PRR16: variants seen among roughly 807,000 people sequenced by gnomAD.
PRR16 encodes the protein protein Largen.
PRR16 carries 6 observed loss-of-function variants against 18.2 expected under a neutral mutation model. The ratio of observed to expected loss-of-function variants is 0.33; its 90% CI spans 0.18 to 0.65. PRR16 has a LOEUF of 0.65. PRR16 is among the 30% of genes least tolerant of loss of function. The probability of loss-of-function intolerance (pLI) is 0.74; values close to 1 mark genes in which losing one functional copy is unlikely to be tolerated. For synonymous variants in PRR16, 151 were observed against 147.8 expected (o/e 1.02, Z -0.16); for missense variants, 412 against 376.6 (o/e 1.09, Z -0.78).
At chr5:120,565,907 T>C (rs1483383687) in intron 1 of PRR16, among the ~76,000 whole-genome samples, 2 of 152,220 alleles carry the variant, frequency 1.3e-5, no homozygotes, top group Non-Finnish European at 2.9e-5. Flanking sequence ...TCAAATAATT[T>C]TTCCCCTGAA....
chr5:120,526,639 A>T (rs1751358998), intron 1 of PRR16, among the ~76,000 whole-genome samples: 1 of 152,212 alleles, frequency 6.6e-6, no homozygotes, highest in South Asian at 2.1e-4. Context: ...AAATCACAAA[A>T]TAATATTGTC....
chr5:120,477,774 T>C (rs1020086015), intron 1 of PRR16, among the ~76,000 whole-genome samples: 1 of 152,164 alleles, frequency 6.6e-6, no homozygotes, highest in Non-Finnish European at 1.5e-5. Context: ...TACTACTTTC[T>C]CTGTGGCTCT....
rs1753586254 is a variant in PRR16 at position 120,590,177 on chromosome 5, CA to C, written c.160-95775del. ...AATATTGAATGCTGTATTACCTTAA[CA>C]AGTCCTGATCCCCAATCTCTCCCCA... On this transcript the variant is annotated intron_variant, in intron 1 of 1. Coordinates refer to ENST00000407149, the MANE Select transcript of PRR16 (RefSeq NM_001300783.2). Among the ~76,000 whole-genome samples the C allele has an allele frequency of 3.4e-5, 5 of 146,226 alleles. 1 individual carries two copies. The South Asian group carries it at 8.8e-4, about 26-fold the overall frequency.
chr5:120,764,240 C>T, the PRR16 span, among the ~76,000 whole-genome samples: 1 of 151,938 alleles, frequency 6.6e-6, no homozygotes, highest in Non-Finnish European at 1.5e-5. Context: ...TCCTTCTATG[C>T]CTAGTTTGTT....
At chr5:120,464,709 G>T in intron 1 of PRR16, 64 bp downstream of exon 1, 2 of 1,429,556 alleles carry the variant, frequency 1.4e-6, no homozygotes. Flanking sequence ...TCCCCTTTCC[G>T]ATTTTCAGCA....
At chr5:120,578,276 T>C (rs1018933068) in intron 1 of PRR16, among the ~76,000 whole-genome samples, 8 of 152,192 alleles carry the variant, frequency 5.3e-5, no homozygotes, top group African/African-American at 1.9e-4. Flanking sequence ...TATAATTTTT[T>C]TCTTTATTTC....
intron 1 of PRR16, among the ~76,000 whole-genome samples, chr5:120,644,158 A>G (rs1015384324): frequency 1.3e-5 from 2 of 152,072 alleles, no homozygotes; most frequent in African/African-American, 4.8e-5. Context: ...CCTAGTTTCT[A>G]CTTCAGGTAA....
chr5:120,793,369 A>T, the PRR16 span, among the ~76,000 whole-genome samples: 2 of 152,124 alleles, frequency 1.3e-5, no homozygotes, highest in African/African-American at 4.8e-5. Flanking sequence ...AAAAAGGTAT[A>T]TGGTTTGGAG....
intron 1 of PRR16, among the ~76,000 whole-genome samples, chr5:120,637,156 G>A (rs1158229899): frequency 6.6e-6 from 1 of 151,942 alleles, no homozygotes; most frequent in Non-Finnish European, 1.5e-5. Context: ...TGGATGCGAT[G>A]AAAAGGGAAC....
Position 120,653,573 on chromosome 5 carries a change from G to A in PRR16, c.160-32381G>A, listed in dbSNP as rs117909670. On this transcript the variant is annotated intron_variant, in intron 1 of 1. Transcript: ENST00000407149. ...AATAAAGAGATAAATCTTAATCAGA[G>A]GTAGGAAGGGATATCTGCAGTCAAG... Among the ~76,000 whole-genome samples the A allele has an allele frequency of 4.3e-3, 652 of 151,944 alleles. 31 individuals carry two copies. In the East Asian group the frequency reaches 0.1, roughly 24 times the overall value.
chr5:120,748,052 G>A, the PRR16 span, among the ~76,000 whole-genome samples: 14 of 152,028 alleles, frequency 9.2e-5, no homozygotes, highest in East Asian at 1.2e-3. Context: ...TGAATGATCC[G>A]TGCACTATCA....
chr5:120,788,155 C>T, the PRR16 span, among the ~76,000 whole-genome samples: 1 of 151,934 alleles, frequency 6.6e-6, no homozygotes, highest in African/African-American at 2.4e-5. Context: ...TATATTGTGT[C>T]ACCAATTTTT....
chr5:120,510,757 A>G (rs1349321314), intron 1 of PRR16, among the ~76,000 whole-genome samples: 2 of 152,212 alleles, frequency 1.3e-5, no homozygotes, highest in East Asian at 3.8e-4. Context: ...AAATTGAGAC[A>G]GAGTCAATAA....
chr5:120,717,995 A>G, the PRR16 span, among the ~76,000 whole-genome samples: 4 of 152,286 alleles, frequency 2.6e-5, no homozygotes, highest in South Asian at 8.3e-4. Context: ...CTAAAAATTT[A>G]TTGTTAATAA....
intron 1 of PRR16, among the ~76,000 whole-genome samples, chr5:120,625,148 T>C (rs1280695860): frequency 1.3e-5 from 2 of 152,172 alleles, no homozygotes; most frequent in Non-Finnish European, 2.9e-5. Context: ...TTTTGTCCTG[T>C]GTCTACTGTC....
At chr5:120,781,343 G>A in the PRR16 span, 4 of 152,134 alleles carry the variant, frequency 2.6e-5, no homozygotes, top group Admixed American at 6.5e-5. Flanking sequence ...AAGAAGACCA[G>A]AAGAAACGGG....
chr5:120,641,493 T>C (rs1279575045), intron 1 of PRR16, among the ~76,000 whole-genome samples: 1 of 152,052 alleles, frequency 6.6e-6, no homozygotes, highest in African/African-American at 2.4e-5. Flanking sequence ...ATCCAGCCCT[T>C]CTACAATGAA....
chr5:120,595,482 G>A (rs1753770230), intron 1 of PRR16, among the ~76,000 whole-genome samples: 1 of 151,858 alleles, frequency 6.6e-6, no homozygotes, highest in African/African-American at 2.4e-5. Context: ...AAAAGGAAAT[G>A]CTTGTACACT....
At chr5:120,503,395 A>G (rs1011141442) in intron 1 of PRR16, among the ~76,000 whole-genome samples, 1 of 152,190 alleles carries the variant, frequency 6.6e-6, no homozygotes, top group Non-Finnish European at 1.5e-5. Flanking sequence ...AAGAAAAATT[A>G]GTTTGTTGAT....
Sources: allele counts gnomAD v4.1 joint callset (sites outside exome capture counted in the v4.1 genomes callset), GRCh38; gene constraint gnomAD v4.1.1; transcripts MANE v1.5; gene names NCBI Gene and HGNC (gene_info 2026-07-23, HGNC 2026-07-21).